The following EGFLAM variants were observed in gnomAD, a reference collection of about 807,000 sequenced individuals.
EGFLAM encodes the protein EGF like, fibronectin type III and laminin G domains.
Under a neutral mutation model 113.1 loss-of-function variants are expected in EGFLAM, and 79 were observed. The observed-to-expected ratio is 0.70, with a 90% CI of 0.58 to 0.84. The LOEUF (loss-of-function observed/expected upper bound fraction) is 0.84. EGFLAM is among the 40% of genes least tolerant of loss of function. The pLI is 0.00. For synonymous variants in EGFLAM, 504 were observed against 487.6 expected (o/e 1.03, Z -0.44); for missense variants, 1,265 against 1,291.6 (o/e 0.98, Z 0.32).
rs376651953 is a variant in EGFLAM, at chr5:38,372,454, C to T, written c.712+1992C>T. Among the ~76,000 whole-genome samples, 32 of 152,244 alleles carry T rather than the reference C, an allele frequency of 2.1e-4. No individual in the cohort carries two copies. In the East Asian group the frequency reaches 4.1e-3, roughly 19 times the overall value. On this transcript the variant is annotated intron_variant, in intron 6 of 21. Coordinates refer to ENST00000322350, the MANE Select transcript of EGFLAM (RefSeq NM_152403.4). ...GATTACAGGCATGAGCCATGACGCC[C>T]GGCCTCATACTGCTTCTTTTTTAAC...
intron 1 of EGFLAM, among the ~76,000 whole-genome samples, chr5:38,304,894 T>C (rs532043847): frequency 5.9e-5 from 9 of 152,230 alleles, no homozygotes; most frequent in Non-Finnish European, 1.2e-4. Flanking sequence ...CAGGATAGTA[T>C]ATAAAAGTAA....
chr5:38,387,843 T>A (rs148586715), intron 6 of EGFLAM, among the ~76,000 whole-genome samples: 3 of 152,246 alleles, frequency 2.0e-5, no homozygotes, highest in Non-Finnish European at 4.4e-5. Context: ...AGGCTGTCTA[T>A]GAGGTTTTCT....
intron 1 of EGFLAM, among the ~76,000 whole-genome samples, chr5:38,310,797 G>A (rs762204903): frequency 3.3e-5 from 5 of 152,138 alleles, no homozygotes; most frequent in East Asian, 1.9e-4. Context: ...GACCTGACAC[G>A]CCACTATTTA....
chr5:38,317,686 TTTTGTACTACATACAAAG>T (rs1232975970), intron 1 of EGFLAM, among the ~76,000 whole-genome samples: 5 of 152,240 alleles, frequency 3.3e-5, no homozygotes, highest in African/African-American at 1.2e-4. Flanking sequence ...ATGTCAACCC[TTTTGTACTACATACAAAG>T]TTGTGTGGCT....
At position 38,338,794 on chromosome 5, in the gene EGFLAM, A is replaced by G. The variant is rs1360568655; in HGVS notation, c.291+13A>G. 3.1e-6 allele frequency: 5 copies of G among 1,613,346 alleles called. No homozygotes were observed. The highest frequency in any genetic ancestry group is 4.2e-6 in the Non-Finnish European group (5 of 1,179,398). ...CATCCCGACCACGGTGAGTCTTTCCATCCTGGCAGCCCACTCAAAAGCATG... is the reference window on the plus strand; with the variant it reads ...CATCCCGACCACGGTGAGTCTTTCCGTCCTGGCAGCCCACTCAAAAGCATG... On this transcript the variant is annotated intron_variant, in intron 3 of 21. Transcript: ENST00000322350.
At chr5:38,442,372 G>A (rs1742574431) in intron 17 of EGFLAM, among the ~76,000 whole-genome samples, 1 of 146,158 alleles carries the variant, frequency 6.8e-6, no homozygotes, top group South Asian at 2.1e-4. Context: ...AACATAATAT[G>A]TTAATATTTA....
intron 3 of EGFLAM, among the ~76,000 whole-genome samples, chr5:38,340,876 G>T (rs1461440828): frequency 6.7e-6 from 1 of 149,164 alleles, no homozygotes; most frequent in Non-Finnish European, 1.5e-5. Context: ...GGTGGGGAGA[G>T]TTGCAGAATA....
intron 6 of EGFLAM, among the ~76,000 whole-genome samples, chr5:38,383,976 C>G (rs984745727): frequency 3.9e-5 from 6 of 151,968 alleles, no homozygotes; most frequent in African/African-American, 1.5e-4. Flanking sequence ...CAGAGCGTGT[C>G]AAATCTTATA....
intron 17 of EGFLAM, among the ~76,000 whole-genome samples, chr5:38,441,546 A>C (rs1409800702): frequency 6.6e-6 from 1 of 152,050 alleles, no homozygotes; most frequent in East Asian, 1.9e-4. Context: ...AATTTCACAA[A>C]GCTCATGTAA....
At chr5:38,417,079 C>G (rs1483788250) in intron 11 of EGFLAM, among the ~76,000 whole-genome samples, 1 of 151,986 alleles carries the variant, frequency 6.6e-6, no homozygotes, top group Non-Finnish European at 1.5e-5. Flanking sequence ...CCAGGCCGGG[C>G]GTGGTAGCTC....
intron 20 of EGFLAM, among the ~76,000 whole-genome samples, chr5:38,460,535 GT>G (rs1234513657): frequency 1.3e-5 from 2 of 152,244 alleles, no homozygotes; most frequent in African/African-American, 2.4e-5. Context: ...ACATGTCAGA[GT>G]GTCAAGCTGG....
At position 38,337,382 on chromosome 5, in the gene EGFLAM, C is replaced by A. The variant is rs1302076029; in HGVS notation, c.98-138C>A. 75 of 815,198 alleles carry A rather than the reference C, an allele frequency of 9.2e-5. 1 individual carries two copies. The highest frequency in any genetic ancestry group is 1.1e-4 in the Non-Finnish European group (57 of 530,384). The allele number at this position is 815,198 out of a possible 1,614,324, so 50.5% of individuals were successfully genotyped here. Reference sequence around the variant, plus strand: ...GTCAGCTGAGATAGGTGTGGTGTATCAGAAATTGACTGCATTTCTGGAATT... The same window carrying A: ...GTCAGCTGAGATAGGTGTGGTGTATAAGAAATTGACTGCATTTCTGGAATT... On this transcript the variant is annotated intron_variant, in intron 1 of 21. Coordinates refer to ENST00000322350, the MANE Select transcript of EGFLAM (RefSeq NM_152403.4).
intron 1 of EGFLAM, among the ~76,000 whole-genome samples, chr5:38,263,844 C>T (rs1166200305): frequency 6.6e-6 from 1 of 152,070 alleles, no homozygotes; most frequent in Admixed American, 6.5e-5. Flanking sequence ...GTATGGATAT[C>T]TTGGCTTTAT....
chr5:38,336,829 C>G (rs1014210003), intron 1 of EGFLAM, among the ~76,000 whole-genome samples: 2 of 150,982 alleles, frequency 1.3e-5, no homozygotes, highest in Non-Finnish European at 3.0e-5. Flanking sequence ...CACACACGTA[C>G]ACACACACAC....
chr5:38,411,593 C>A (rs951675813), intron 10 of EGFLAM, among the ~76,000 whole-genome samples: 1 of 148,408 alleles, frequency 6.7e-6, no homozygotes, highest in Non-Finnish European at 1.5e-5. Flanking sequence ...AGTGATTCTC[C>A]TGCCTCATCC....
chr5:38,268,412 GATTTTT>G (rs1402978953), intron 1 of EGFLAM, among the ~76,000 whole-genome samples: 1 of 90,264 alleles, frequency 1.1e-5, no homozygotes, highest in African/African-American at 6.3e-5. Context: ...TCTTGTGAGA[GATTTTT>G]CTGTGCCAAA....
chr5:38,336,761 T>C (rs932294533), intron 1 of EGFLAM, among the ~76,000 whole-genome samples: 2 of 151,852 alleles, frequency 1.3e-5, no homozygotes, highest in African/African-American at 4.8e-5. Flanking sequence ...ATTGCAAATA[T>C]TCCAAAATCC....
At chr5:38,418,421 G>A (rs1478176024) in intron 12 of EGFLAM, among the ~76,000 whole-genome samples, 166 bp downstream of exon 12, 3 of 152,226 alleles carry the variant, frequency 2.0e-5, no homozygotes, top group African/African-American at 7.2e-5. Context: ...TGAGGCTGGT[G>A]CTCTGCAGAC....
At chr5:38,350,702 A>G (rs746271802) in intron 4 of EGFLAM, 84 bp downstream of exon 4, 102 of 1,305,972 alleles carry the variant, frequency 7.8e-5, no homozygotes, top group Non-Finnish European at 1.0e-4. Flanking sequence ...GGGACTTACT[A>G]TGTGCCAAGC....
Sources: gnomAD v4.1 joint callset for allele counts (sites outside exome capture counted in the v4.1 genomes callset) on GRCh38, gnomAD v4.1.1 for gene constraint, MANE v1.5 for transcripts, NCBI Gene and HGNC (gene_info 2026-07-23, HGNC 2026-07-21) for gene names.